The following SLIT2 variants were observed in gnomAD, a reference collection of about 807,000 sequenced individuals.
SLIT2 encodes slit homolog 2 protein.
A neutral mutation model predicts 185.7 loss-of-function variants in SLIT2; 41 were observed. The observed-to-expected ratio is 0.22, with a 90% CI of 0.17 to 0.29. The LOEUF is 0.29. Ranked by LOEUF, SLIT2 falls within the 10% of genes least tolerant of loss-of-function variation. SLIT2 has a pLI of 1.00. For synonymous variants in SLIT2, 693 were observed against 680.2 expected, an observed-to-expected ratio of 1.02 and a Z score of -0.29; for missense variants, 1,571 against 1,909.0, an observed-to-expected ratio of 0.82 and a Z score of 3.30.
intron 3 of SLIT2, among the ~76,000 whole-genome samples, chr4:20,264,007 A>G (rs531229151): frequency 6.6e-6 from 1 of 152,008 alleles, no homozygotes; most frequent in South Asian, 2.1e-4. Context: ...CAACCCTTCA[A>G]TGGTTATTTC....
chr4:20,545,458 C>CATAT (rs3836701), intron 21 of SLIT2, among the ~76,000 whole-genome samples: 7,947 of 147,912 alleles, frequency 0.054, 350 homozygotes, highest in African/African-American at 0.12. Flanking sequence ...ATTGCTGTTA[C>CATAT]ATATATATAT....
At chr4:20,266,970 A>C (rs1577343109) in intron 3 of SLIT2, among the ~76,000 whole-genome samples, 2 of 151,986 alleles carry the variant, frequency 1.3e-5, no homozygotes, top group East Asian at 1.9e-4. Flanking sequence ...ATAACAAATG[A>C]GGCTGGTAAA....
intron 4 of SLIT2, among the ~76,000 whole-genome samples, chr4:20,308,762 G>T (rs1395278345): frequency 6.6e-6 from 1 of 152,034 alleles, no homozygotes; most frequent in Non-Finnish European, 1.5e-5. Context: ...CTGTTTCAAA[G>T]ATCCTATTTT....
chr4:20,478,085 C>T (rs1240193514), intron 5 of SLIT2, among the ~76,000 whole-genome samples: 1 of 152,158 alleles, frequency 6.6e-6, no homozygotes, highest in Non-Finnish European at 1.5e-5. Context: ...CATATACAGA[C>T]AAATGAAGGT....
chr4:20,394,370 A>T (rs1484048107), intron 4 of SLIT2, among the ~76,000 whole-genome samples: 1 of 152,010 alleles, frequency 6.6e-6, no homozygotes, highest in African/African-American at 2.4e-5. Flanking sequence ...AGTTTCCCTT[A>T]AATGTGAACT....
At chr4:20,467,856 A>G in intron 5 of SLIT2, 33 bp downstream of exon 5, 1 of 1,085,940 alleles carries the variant, frequency 9.2e-7, no homozygotes, top group Non-Finnish European at 1.4e-6. Flanking sequence ...ATAGTGTTTT[A>G]AGTCATTATC....
At chr4:20,585,274 C>T (rs754696084) in intron 29 of SLIT2, among the ~76,000 whole-genome samples, 3 of 152,164 alleles carry the variant, frequency 2.0e-5, no homozygotes, top group South Asian at 2.1e-4. Context: ...TTTGTTTTCT[C>T]GCCAAAACAT....
rs1714523344 is a variant in SLIT2 at position 20,467,809 on chromosome 4, T to G, written c.453T>G (p.Val151=). The change falls in exon 5 of 37, where the codon GTT becomes GTG. Residue 151 remains valine (V), a synonymous_variant. Coordinates refer to ENST00000504154, the MANE Select transcript of SLIT2 (RefSeq NM_004787.4). ...AIPRKAFRGA[V]DIKNLQLDYN... Reference sequence around the variant, plus strand: ...CAAGGAAAGCTTTCCGTGGGGCAGTTGACATAAAAAATTTGTAAGTATCTA... The same window carrying G: ...CAAGGAAAGCTTTCCGTGGGGCAGTGGACATAAAAAATTTGTAAGTATCTA... 7 of 1,585,206 alleles carry G rather than the reference T, an allele frequency of 4.4e-6. No homozygotes were observed. The highest frequency in any genetic ancestry group is 5.2e-6 in the Non-Finnish European group (6 of 1,161,222).
intron 4 of SLIT2, among the ~76,000 whole-genome samples, chr4:20,310,902 A>G (rs961094310): frequency 6.6e-6 from 1 of 152,176 alleles, no homozygotes; most frequent in Non-Finnish European, 1.5e-5. Context: ...ATTTATTTTC[A>G]GAGACAGGCT....
intron 4 of SLIT2, among the ~76,000 whole-genome samples, chr4:20,285,862 T>C (rs1245340571): frequency 6.6e-6 from 1 of 152,188 alleles, no homozygotes; most frequent in Non-Finnish European, 1.5e-5. Context: ...TTACTCCTAA[T>C]ACAGTCTTCA....
In SLIT2 at chr4:20,285,850, C is replaced by T. The variant is rs149330762; in HGVS notation, c.395+16969C>T. Among the ~76,000 whole-genome samples the T allele has an allele frequency of 5.9e-5, 9 of 152,268 alleles. No individual in the cohort carries two copies. In the East Asian group the frequency reaches 1.7e-3, roughly 29 times the overall value. On this transcript the variant is annotated intron_variant, in intron 4 of 36. Transcript: ENST00000504154. ...AGCATGAGCCACCATGCCCAACCTG[C>T]GTTACTCCTAATACAGTCTTCATTC...
At position 20,256,532 on chromosome 4, in the gene SLIT2, A is replaced by G. The variant is rs1711860015; in HGVS notation, c.180-140A>G. 9.9e-6 allele frequency: 5 copies of G among 505,828 alleles called. No individual in the cohort carries two copies. In the South Asian group the frequency reaches 1.7e-4, roughly 17 times the overall value. The allele number at this position is 505,828 out of a possible 1,614,324, so 31.3% of individuals were successfully genotyped here. A position where few individuals can be genotyped will look rare whatever the true frequency, so the allele number is the denominator to read the frequency against. ...TGTTAAAAATATCCTTTTAAAGGTTATCCTCTTCTCCTTCCTACATACTTT... is the reference window on the plus strand; with the variant it reads ...TGTTAAAAATATCCTTTTAAAGGTTGTCCTCTTCTCCTTCCTACATACTTT... On this transcript the variant is annotated intron_variant, in intron 1 of 36. Transcript: ENST00000504154.
intron 26 of SLIT2, among the ~76,000 whole-genome samples, chr4:20,558,109 G>T (rs1350870721): frequency 2.6e-5 from 4 of 151,950 alleles, no homozygotes; most frequent in Admixed American, 2.6e-4. Flanking sequence ...TGTTGAAATA[G>T]CCACAAAGGA....
intron 9 of SLIT2, among the ~76,000 whole-genome samples, chr4:20,505,722 A>T (rs1269619884): frequency 6.6e-6 from 1 of 152,102 alleles, no homozygotes; most frequent in African/African-American, 2.4e-5. Flanking sequence ...ATAGCTGCAC[A>T]TAATTAACAT....
rs773034235 is a variant in SLIT2 at position 20,568,871 on chromosome 4, T to C, written c.2955T>C (p.Ile985=). 2 of 1,612,100 alleles carry C rather than the reference T, an allele frequency of 1.2e-6. No homozygotes were observed. Among genetic ancestry groups the C allele is most frequent in the Admixed American group, 1.7e-5 (1 of 59,946 alleles). Residue 985 remains isoleucine, a synonymous_variant, in exon 29 of 37, where the codon ATT becomes ATC. Coordinates refer to ENST00000504154, the MANE Select transcript of SLIT2 (RefSeq NM_004787.4). ...KEGEEDGFWC[I]CADGFEGENC... ...TTTCTCCTCTGGCATTCAGGTGTAT[T>C]TGTGCTGATGGATTTGAAGGAGAAA...
intron 17 of SLIT2, among the ~76,000 whole-genome samples, chr4:20,532,395 AT>A (rs3836698): frequency 0.49 from 74,291 of 151,156 alleles, 18,463 homozygotes; most frequent in East Asian, 0.64. Context: ...CCATGCTGTT[AT>A]TTTTTTTTTC....
Position 20,546,099 on chromosome 4 carries a change from T to C in SLIT2, c.2345T>C (p.Ile782Thr), listed in dbSNP as rs367994534. The C allele has an allele frequency of 6.4e-6, 10 of 1,559,532 alleles. No individual in the cohort carries two copies. The highest frequency in any genetic ancestry group is 5.2e-5 in the Admixed American group (3 of 57,394). Residue 782 changes from isoleucine (I) to threonine (T), a missense_variant and splice_region_variant, in exon 22 of 37, where the codon ATA becomes ACA. Physicochemically the swap from Ile to Thr is moderately conservative, Grantham distance 89 (BLOSUM62 -1). Coordinates refer to ENST00000504154, the MANE Select transcript of SLIT2 (RefSeq NM_004787.4). ...TCCAACTACAAACATTTAACACTTA[T>C]GTGAGTAACATATTGCACTTTTCTT... is the stretch of plus-strand genomic sequence containing the variant. Reference protein sequence around the residue: ...ELSNYKHLTLIDLSNNRISTL... With the variant: ...ELSNYKHLTLTDLSNNRISTL...
At chr4:20,439,782 A>T (rs1227072211) in intron 4 of SLIT2, among the ~76,000 whole-genome samples, 2 of 152,148 alleles carry the variant, frequency 1.3e-5, no homozygotes, top group East Asian at 3.9e-4. Flanking sequence ...AACCCGTACA[A>T]AGATTTAGTA....
intron 12 of SLIT2, among the ~76,000 whole-genome samples, chr4:20,519,932 G>A (rs1422332337): frequency 6.6e-6 from 1 of 151,084 alleles, no homozygotes; most frequent in Non-Finnish European, 1.5e-5. Context: ...TACTCAGGAG[G>A]CTGAGGCAGG....
Sources: allele counts gnomAD v4.1 joint callset (sites outside exome capture counted in the v4.1 genomes callset), GRCh38; gene constraint gnomAD v4.1.1; transcripts MANE v1.5; gene names NCBI Gene and HGNC (gene_info 2026-07-23, HGNC 2026-07-21).